CUX1: variants seen among roughly 807,000 people sequenced by gnomAD.
CUX1 encodes the protein cut like homeobox 1.
CUX1 carries 31 observed loss-of-function variants against 158.8 expected under a neutral mutation model. The ratio of observed to expected loss-of-function variants is 0.20; its 90% CI spans 0.15 to 0.26. The LOEUF (loss-of-function observed/expected upper bound fraction) is 0.26. CUX1 is among the 10% of genes least tolerant of loss of function. The pLI is 1.00. For synonymous variants in CUX1, 879 were observed against 862.1 expected (o/e 1.02, Z -0.34); for missense variants, 1,589 against 2,014.6 (o/e 0.79, Z 4.04).
intron 8 of CUX1, among the ~76,000 whole-genome samples, chr7:102,136,764 G>A (rs1479387312): frequency 1.3e-5 from 2 of 152,152 alleles, no homozygotes; most frequent in African/African-American, 2.4e-5. Context: ...GCACATAAAT[G>A]TATCATTCTC....
chr7:101,956,295 A>T (rs1170419459), intron 2 of CUX1, among the ~76,000 whole-genome samples: 1 of 152,172 alleles, frequency 6.6e-6, no homozygotes, highest in Non-Finnish European at 1.5e-5. Context: ...GCCTCTCCGG[A>T]TGCCAAGCTG....
At chr7:102,271,055 G>A (rs1034356061) in intron 14 of CUX1, among the ~76,000 whole-genome samples, 5 of 152,162 alleles carry the variant, frequency 3.3e-5, no homozygotes, top group Non-Finnish European at 7.3e-5. Flanking sequence ...GATAAAACAG[G>A]CAGTGCAAGG....
intron 3 of CUX1, among the ~76,000 whole-genome samples, chr7:102,045,236 G>A (rs182831614): frequency 7.0e-4 from 106 of 152,336 alleles, no homozygotes; most frequent in African/African-American, 2.5e-3. Flanking sequence ...ATGCAGAAAG[G>A]GATCTAACCT....
In CUX1 at chr7:101,861,364, G is replaced by A. The variant is rs761013624; in HGVS notation, c.30+43695G>A. Among the ~76,000 whole-genome samples, 25 of 152,278 alleles carry A rather than the reference G, an allele frequency of 1.6e-4. 1 individual carries two copies. In the East Asian group the frequency reaches 2.7e-3, roughly 16 times the overall value. ...ACAGAGTCTACTAAGTGGAAGCTGC[G>A]TTTCCACATTTAGCAGTTAGCTGTT... On this transcript the variant is annotated intron_variant, in intron 1 of 23. Transcript: ENST00000292535.
At chr7:101,897,892 T>C (rs1373741046) in intron 1 of CUX1, among the ~76,000 whole-genome samples, 3 of 152,182 alleles carry the variant, frequency 2.0e-5, no homozygotes, top group African/African-American at 4.8e-5. Context: ...ATTTTATCAA[T>C]AGTTTTTGTC....
intron 4 of CUX1, among the ~76,000 whole-genome samples, chr7:102,096,935 C>A (rs781810564): frequency 6.6e-6 from 1 of 152,222 alleles, no homozygotes; most frequent in South Asian, 2.1e-4. Flanking sequence ...TCACTTCCAG[C>A]CTCATAATCA....
intron 2 of CUX1, among the ~76,000 whole-genome samples, chr7:101,938,924 C>T (rs551421545): frequency 2.1e-4 from 32 of 151,080 alleles, no homozygotes; most frequent in Non-Finnish European, 4.0e-4. Context: ...GTCTGTAATC[C>T]CAGCTACTTG....
intron 2 of CUX1, among the ~76,000 whole-genome samples, chr7:101,936,549 T>G (rs1806961982): frequency 2.0e-5 from 3 of 151,886 alleles, no homozygotes. Context: ...GGAGAAAAGG[T>G]TATCCTTCAA....
intron 6 of CUX1, among the ~76,000 whole-genome samples, chr7:102,109,552 G>A (rs1554489484): frequency 1.3e-5 from 2 of 152,158 alleles, no homozygotes; most frequent in African/African-American, 4.8e-5. Context: ...GGGAGGCTAA[G>A]GCAGGCGGAT....
chr7:101,966,048 G>A (rs1374151553), intron 2 of CUX1, among the ~76,000 whole-genome samples: 3 of 152,012 alleles, frequency 2.0e-5, no homozygotes, highest in African/African-American at 2.4e-5. Context: ...GCTATTATTT[G>A]TGAAGTGATA....
Position 102,099,664 on chromosome 7 carries a change from T to C in CUX1, c.406+2163T>C, listed in dbSNP as rs375786198. The stretch of plus-strand genomic sequence containing the variant: ...ACAACCTTGACCTCCTGGACTCAAG[T>C]AGTCCTCCCGCCTCAGCCTCCTGAG... On this transcript the variant is annotated intron_variant, in intron 5 of 23. Transcript: ENST00000292535. 4.6e-5 allele frequency among the ~76,000 whole-genome samples: 7 copies of C among 152,182 alleles called. No individual in the cohort carries two copies. In the East Asian group the frequency reaches 1.4e-3, roughly 29 times the overall value.
chr7:101,905,315 A>G (rs1445971169), intron 1 of CUX1, among the ~76,000 whole-genome samples: 2 of 152,152 alleles, frequency 1.3e-5, no homozygotes, highest in African/African-American at 2.4e-5. Flanking sequence ...TCTTCTCCCA[A>G]TTTGGGACTC....
chr7:101,869,113 A>G lies in CUX1; in HGVS notation c.31-47002A>G, dbSNP rs1183878455. ...GCCTGGGGCATGGACTTGGGCAGGT[A>G]GCAAAGGCCAGAAGGAGTGGGAGTC... On this transcript the variant is annotated intron_variant, in intron 1 of 23. Transcript: ENST00000292535. This position sits in a 1 kb window ranked among gnomAD's most constrained non-coding sequence, Gnocchi z 4.5. Among the ~76,000 whole-genome samples, 1 of 151,954 alleles carries G rather than the reference A, an allele frequency of 6.6e-6. No individual in the cohort carries two copies. The highest frequency in any genetic ancestry group is 1.5e-5 in the Non-Finnish European group (1 of 67,984).
At chr7:101,963,610 A>C (rs1004205774) in intron 2 of CUX1, among the ~76,000 whole-genome samples, 8 of 152,170 alleles carry the variant, frequency 5.3e-5, no homozygotes, top group African/African-American at 1.9e-4. Context: ...TAAAAATAGA[A>C]TAATAATCAA....
chr7:102,124,057 A>T (rs1554494359), intron 8 of CUX1, among the ~76,000 whole-genome samples: 2 of 152,122 alleles, frequency 1.3e-5, no homozygotes, highest in Admixed American at 1.3e-4. Flanking sequence ...ATTCCTACAG[A>T]TTTTACCTAT....
chr7:102,152,746 C>T (rs1315161441), intron 8 of CUX1, among the ~76,000 whole-genome samples: 1 of 152,184 alleles, frequency 6.6e-6, no homozygotes, highest in East Asian at 1.9e-4. Context: ...CCTGGTTCCT[C>T]CCATTGTCTC....
chr7:101,855,329 G>T (rs982005887), intron 1 of CUX1, among the ~76,000 whole-genome samples: 1 of 152,204 alleles, frequency 6.6e-6, no homozygotes, highest in Non-Finnish European at 1.5e-5. Context: ...CGGTGGCCTT[G>T]CCTGCCAGGG....
chr7:101,848,051 C>CAAAAAAAAAAAAAAAAAAAAAAA (rs57428019), intron 1 of CUX1, among the ~76,000 whole-genome samples: 1 of 65,378 alleles, frequency 1.5e-5, no homozygotes, highest in Non-Finnish European at 2.7e-5. Context: ...GAGCAAGACT[C>CAAAAAAAAAAAAAAAAAAAAAAA]AAAAAAAAAA....
At chr7:102,122,132 G>A (rs1832113790) in intron 8 of CUX1, among the ~76,000 whole-genome samples, 1 of 152,006 alleles carries the variant, frequency 6.6e-6, no homozygotes, top group Admixed American at 6.6e-5. Flanking sequence ...AATTTGAAAG[G>A]GACAACTTAA....
Sources: gnomAD v4.1 joint callset for allele counts (sites outside exome capture counted in the v4.1 genomes callset) on GRCh38, gnomAD v4.1.1 for gene constraint, Gnocchi (gnomAD v3.1) non-coding constraint, MANE v1.5 for transcripts, NCBI Gene and HGNC (gene_info 2026-07-23, HGNC 2026-07-21) for gene names.